Variants in LRRC71 observed in about 807,000 individuals in gnomAD.
The protein encoded by LRRC71 is leucine-rich repeat-containing protein 71.
In LRRC71, 54 loss-of-function variants were observed where a neutral mutation model predicts 66.6. The observed-to-expected ratio is 0.81, with a 90% confidence interval of 0.65 to 1.02. LRRC71 has a LOEUF of 1.02. Ranked by LOEUF, LRRC71 falls within the 50% of genes least tolerant of loss-of-function variation. LRRC71 has a pLI of 0.00. For missense variants in LRRC71, 724 were observed against 718.0 expected (o/e 1.01, Z -0.10); for synonymous variants, 323 against 303.9 (o/e 1.06, Z -0.65).
At chr1:156,932,250 A>C (rs1654484269) in intron 13 of LRRC71, 174 bp from the exon 14 acceptor site, 1 of 666,934 alleles carries the variant, frequency 1.5e-6, no homozygotes, top group African/African-American at 1.8e-5. Context: ...AGTTAGAGAG[A>C]TGGGGAGTGT....
At chr1:156,926,399 CA>C (rs1387925157) in intron 5 of LRRC71, among the ~76,000 whole-genome samples, 1 of 152,180 alleles carries the variant, frequency 6.6e-6, no homozygotes, top group Non-Finnish European at 1.5e-5. Flanking sequence ...GGCCTCTCCA[CA>C]GGCTGCCTGA....
In LRRC71 at chr1:156,930,636, T is replaced by A; in HGVS notation, c.1329+19T>A. The stretch of plus-strand genomic sequence containing the variant: ...GTCCGAGGTAAGTTGCCAGGAGGAG[T>A]GGAGGCAGGGGGCACACCCCTGGGA... On this transcript the variant is annotated intron_variant, in intron 12 of 14. Transcript: ENST00000337428. 1 of 1,550,678 alleles carries A rather than the reference T, an allele frequency of 6.4e-7. No individual in the cohort carries two copies. The highest frequency in any genetic ancestry group is 8.7e-7 in the Non-Finnish European group (1 of 1,146,024).
At chr1:156,933,612 C>T (rs533761854), downstream of LRRC71, among the ~76,000 whole-genome samples, 1 of 152,200 alleles carries the variant, frequency 6.6e-6, no homozygotes, top group Non-Finnish European at 1.5e-5. Context: ...TGAACATGAA[C>T]CCTAATAACC....
the LRRC71 span, chr1:156,939,708 C>G: frequency 5.6e-6 from 9 of 1,614,078 alleles, no homozygotes; most frequent in Non-Finnish European, 7.6e-6. Context: ...CTGGCCGTTC[C>G]CCCTCCAGCC....
chr1:156,926,467 C>T (rs535309250), intron 5 of LRRC71, among the ~76,000 whole-genome samples: 7 of 152,270 alleles, frequency 4.6e-5, no homozygotes, highest in African/African-American at 1.4e-4. Context: ...GCACTCAAGA[C>T]GGAAGCCACC....
chr1:156,922,130 A>C (rs187981806), intron 1 of LRRC71, among the ~76,000 whole-genome samples: 123 of 152,000 alleles, frequency 8.1e-4, no homozygotes, highest in Non-Finnish European at 1.5e-3. Flanking sequence ...AGTGCCTGAG[A>C]GGTTAGGGGT....
intron 1 of LRRC71, chr1:156,921,687 C>T (rs1380974273): frequency 1.0e-6 from 1 of 974,666 alleles, no homozygotes. Context: ...CAATCCCCTA[C>T]AGGTACGAAG....
intron 12 of LRRC71, among the ~76,000 whole-genome samples, chr1:156,931,220 G>T (rs912900910): frequency 8.5e-5 from 13 of 152,226 alleles, no homozygotes; most frequent in Non-Finnish European, 1.5e-4. Flanking sequence ...TCTGTCAGCT[G>T]CCTGAGCATC....
downstream of LRRC71, chr1:156,935,724 T>TGGGTG (rs934961166): frequency 3.8e-4 from 172 of 455,810 alleles, no homozygotes; most frequent in African/African-American, 3.3e-3. Flanking sequence ...GGGCAGACCA[T>TGGGTG]GGTGAGTGGG....
At position 156,932,393 on chromosome 1, in the gene LRRC71, TAA is replaced by T. The variant is rs757749810; in HGVS notation, c.1442-30_1442-29del. On this transcript the variant is annotated intron_variant, in intron 13 of 14. Coordinates refer to ENST00000337428, the MANE Select transcript of LRRC71 (RefSeq NM_144702.3). ...CAGGTGCCAATGAGGCCTGTGGTGC[TAA>T]GAGGCCACCTGTCTGTAACTTCCAC... 2.0e-4 allele frequency: 320 copies of T among 1,589,142 alleles called. 2 individuals are homozygous for T. The highest frequency in any genetic ancestry group is 1.4e-3 in the Admixed American group (80 of 59,100).
At chr1:156,931,889 G>T (rs749391541) in intron 12 of LRRC71, 27 bp from the exon 13 acceptor site, 10 of 1,532,616 alleles carry the variant, frequency 6.5e-6, no homozygotes, top group Non-Finnish European at 8.9e-6. Context: ...CCTGCTGTCT[G>T]CTGCAATTAG....
intron 9 of LRRC71, among the ~76,000 whole-genome samples, chr1:156,928,329 CT>C (rs1038369278): frequency 4.0e-5 from 6 of 150,108 alleles, no homozygotes; most frequent in Non-Finnish European, 8.9e-5. Context: ...CTTCTTCTTT[CT>C]TTTTTCTTTC....
chr1:156,938,337 T>C, the LRRC71 span: 6 of 1,323,586 alleles, frequency 4.5e-6, no homozygotes, highest in African/African-American at 5.8e-5. Flanking sequence ...TGTGTGACCA[T>C]GGGCAGGGGT....
intron 5 of LRRC71, among the ~76,000 whole-genome samples, chr1:156,926,411 G>T (rs1653198105): frequency 6.6e-6 from 1 of 152,164 alleles, no homozygotes; most frequent in Non-Finnish European, 1.5e-5. Context: ...GGCTGCCTGA[G>T]TGTCCTTACC....
intron 13 of LRRC71, 178 bp downstream of exon 13, chr1:156,932,205 G>C: frequency 1.5e-6 from 1 of 668,462 alleles, no homozygotes; most frequent in East Asian, 2.7e-5. Context: ...GAGTCTGGGA[G>C]GAGGCTGAGG....
At chr1:156,923,681 C>A (rs1461662977) in intron 1 of LRRC71, among the ~76,000 whole-genome samples, 1 of 152,166 alleles carries the variant, frequency 6.6e-6, no homozygotes, top group African/African-American at 2.4e-5. Context: ...GGGTGGCAGT[C>A]GCTTTGACCT....
At chr1:156,926,614 G>A (rs542989739) in intron 5 of LRRC71, among the ~76,000 whole-genome samples, 13 of 141,126 alleles carry the variant, frequency 9.2e-5, no homozygotes, top group Non-Finnish European at 1.3e-4. Flanking sequence ...TTGCTATGTC[G>A]CCCAGACTAG....
Position 156,932,945 on chromosome 1 carries a change from T to C in LRRC71, c.1656T>C (p.Asp552=). ...CCATCAAGGCCAAACTCAGGGAGGA[T>C]GAGGCCATGGCATTCTTCCCCTAGC... ...RDPIKAKLRE[D]EAMAFFP Residue 552 remains aspartate (D), a synonymous_variant, in exon 15 of 15, where the codon GAT becomes GAC. Transcript: ENST00000337428. The C allele has an allele frequency of 6.3e-7, 1 of 1,585,284 alleles. No individual in the cohort carries two copies. Among genetic ancestry groups the C allele is most frequent in the Non-Finnish European group, 8.6e-7 (1 of 1,165,318 alleles).
chr1:156,936,878 G>A, downstream of LRRC71: 4 of 1,614,150 alleles, frequency 2.5e-6, no homozygotes, highest in Non-Finnish European at 3.4e-6. Flanking sequence ...GGGCTCCTTA[G>A]CGGGAGGTGA....
Sources: gnomAD v4.1 joint callset for allele counts (sites outside exome capture counted in the v4.1 genomes callset) on GRCh38, gnomAD v4.1.1 for gene constraint, MANE v1.5 for transcripts, NCBI Gene and HGNC (gene_info 2026-07-23, HGNC 2026-07-21) for gene names.